The following COL21A1 variants were observed in gnomAD, a reference collection of about 807,000 sequenced individuals.
The protein encoded by COL21A1 is collagen alpha-1(XXI) chain.
A neutral mutation model predicts 137.9 loss-of-function variants in COL21A1; 149 were observed. The observed-to-expected ratio is 1.08, with a 90% CI of 0.95 to 1.24. The LOEUF (loss-of-function observed/expected upper bound fraction) is 1.24. Among genes scored for constraint, COL21A1 ranks in the 50% most tolerant of loss-of-function variants. COL21A1 has a pLI of 0.00. For missense variants in COL21A1, 1,167 were observed against 1,158.4 expected (o/e 1.01, Z -0.11); for synonymous variants, 456 against 391.5 (o/e 1.16, Z -1.95).
intron 1 of COL21A1, among the ~76,000 whole-genome samples, chr6:56,333,712 G>A (rs1184492582): frequency 6.6e-6 from 1 of 152,086 alleles, no homozygotes; most frequent in Non-Finnish European, 1.5e-5. Context: ...ATATTCCAAA[G>A]TATCATTTTA....
chr6:56,199,243 G>A (rs982725302), intron 1 of COL21A1, among the ~76,000 whole-genome samples: 2 of 152,000 alleles, frequency 1.3e-5, no homozygotes, highest in African/African-American at 4.8e-5. Context: ...AGTGAATTGG[G>A]CTGTAAAGAA....
chr6:56,210,386 C>T (rs1780084551), intron 1 of COL21A1, among the ~76,000 whole-genome samples: 1 of 152,008 alleles, frequency 6.6e-6, no homozygotes, highest in African/African-American at 2.4e-5. Context: ...AACATTTATC[C>T]TACTTTTCCT....
intron 1 of COL21A1, among the ~76,000 whole-genome samples, chr6:56,237,706 C>G (rs1011831555): frequency 6.6e-6 from 1 of 152,120 alleles, no homozygotes; most frequent in African/African-American, 2.4e-5. Flanking sequence ...ATTACACTCT[C>G]TACCTGAAAA....
chr6:56,244,940 G>A (rs1162379437), intron 1 of COL21A1, among the ~76,000 whole-genome samples: 1 of 152,174 alleles, frequency 6.6e-6, no homozygotes, highest in African/African-American at 2.4e-5. Context: ...TTGTATGCAT[G>A]TGTGTGTGAC....
intron 1 of COL21A1, among the ~76,000 whole-genome samples, chr6:56,318,978 T>G (rs1465648048): frequency 2.0e-5 from 3 of 151,746 alleles, no homozygotes; most frequent in African/African-American, 7.3e-5. Context: ...AGCTTTTGCC[T>G]CATCTCCAAA....
chr6:56,239,025 C>A (rs1346281530), intron 1 of COL21A1, among the ~76,000 whole-genome samples: 1 of 152,148 alleles, frequency 6.6e-6, no homozygotes, highest in Non-Finnish European at 1.5e-5. Context: ...GGTCAAGCAC[C>A]ATGCACAAAG....
chr6:56,113,569 C>T (rs941848726), intron 16 of COL21A1, among the ~76,000 whole-genome samples: 4 of 152,244 alleles, frequency 2.6e-5, no homozygotes, highest in Non-Finnish European at 5.9e-5. Context: ...GCGATACCTA[C>T]GTACTACACC....
chr6:56,185,426 CTTT>C (rs777045553), intron 1 of COL21A1, among the ~76,000 whole-genome samples: 19 of 100,158 alleles, frequency 1.9e-4, no homozygotes, highest in African/African-American at 5.2e-4. Context: ...AATGAACAGT[CTTT>C]TTTTTTTTTT....
intron 16 of COL21A1, among the ~76,000 whole-genome samples, chr6:56,117,543 A>G (rs1772051377): frequency 6.6e-6 from 1 of 152,074 alleles, no homozygotes; most frequent in Non-Finnish European, 1.5e-5. Flanking sequence ...TAGAAAATCA[A>G]CAAAGAAACA....
At chr6:56,131,219 C>T (rs1773532152) in intron 12 of COL21A1, among the ~76,000 whole-genome samples, 1 of 151,648 alleles carries the variant, frequency 6.6e-6, no homozygotes, top group Non-Finnish European at 1.5e-5. Context: ...AAAAGCCTTG[C>T]TTGTAATAAC....
rs1777770182 is a variant in COL21A1 at position 56,179,909 on chromosome 6, T to C, written c.309A>G (p.Ala103=). The C allele has an allele frequency of 6.2e-7, 1 of 1,613,940 alleles. No individual in the cohort carries two copies. ...CTCCTAAGTAGAGTATGGATTCCAC[T>C]GCTGCCGTCAAATGTTCTCCTGAAT... ...SYDSGEHLTA[A]VESILYLGGN... Residue 103 remains alanine (A), a synonymous_variant, in exon 3 of 30, where the codon GCA becomes GCG. Coordinates refer to ENST00000244728, the MANE Select transcript of COL21A1 (RefSeq NM_030820.4).
At chr6:56,267,599 A>G (rs1046475645) in intron 1 of COL21A1, among the ~76,000 whole-genome samples, 1 of 152,002 alleles carries the variant, frequency 6.6e-6, no homozygotes, top group Non-Finnish European at 1.5e-5. Context: ...CTCTACTAAA[A>G]ATACAAAACA....
At chr6:56,086,424 C>T (rs915548682) in intron 17 of COL21A1, among the ~76,000 whole-genome samples, 21 of 151,722 alleles carry the variant, frequency 1.4e-4, no homozygotes, top group Non-Finnish European at 2.6e-4. Context: ...TCAATTAATA[C>T]GTGTTTTGGA....
intron 1 of COL21A1, among the ~76,000 whole-genome samples, chr6:56,206,737 T>TATATATATATATATATA (rs1779817425): frequency 6.9e-6 from 1 of 144,002 alleles, no homozygotes; most frequent in Admixed American, 7.0e-5. Context: ...TATATATATA[T>TATATATATATATATATA]TCTAATCAGC....
chr6:56,128,906 C>T (rs548985436), intron 12 of COL21A1, among the ~76,000 whole-genome samples: 174 of 152,244 alleles, frequency 1.1e-3, no homozygotes, highest in Non-Finnish European at 5.6e-4. Context: ...CTACCTGCCT[C>T]GGCCTCCCAA....
intron 1 of COL21A1, among the ~76,000 whole-genome samples, chr6:56,377,738 C>T (rs9382626): frequency 0.027 from 4,036 of 152,118 alleles, 102 homozygotes; most frequent in East Asian, 0.13. Context: ...ACACCAGCTG[C>T]GGCAACTAAG....
At chr6:56,101,120 T>C (rs913280116) in intron 17 of COL21A1, among the ~76,000 whole-genome samples, 4 of 152,182 alleles carry the variant, frequency 2.6e-5, no homozygotes, top group African/African-American at 9.7e-5. Flanking sequence ...CTGATTTTTA[T>C]TGAACACAAG....
intron 1 of COL21A1, among the ~76,000 whole-genome samples, chr6:56,197,814 A>G (rs1779125894): frequency 6.6e-6 from 1 of 152,136 alleles, no homozygotes; most frequent in Non-Finnish European, 1.5e-5. Context: ...AAAAATTAAA[A>G]ATAGAACTAC....
chr6:56,224,029 G>C (rs1781033986), intron 1 of COL21A1, among the ~76,000 whole-genome samples: 1 of 152,016 alleles, frequency 6.6e-6, no homozygotes, highest in Non-Finnish European at 1.5e-5. Flanking sequence ...GAATAAGAAA[G>C]GTAATTTTTT....
Sources: allele counts gnomAD v4.1 joint callset (sites outside exome capture counted in the v4.1 genomes callset), GRCh38; gene constraint gnomAD v4.1.1; transcripts MANE v1.5; gene names NCBI Gene and HGNC (gene_info 2026-07-23, HGNC 2026-07-21).